HDAC9: variants seen among roughly 807,000 people sequenced by gnomAD.
HDAC9 encodes MEF-2 interacting transcription repressor (MITR) protein.
In HDAC9, 41 loss-of-function variants were observed where a neutral mutation model predicts 139.4. The observed-to-expected ratio is 0.29, with a 90% CI of 0.23 to 0.38. The LOEUF is 0.38. HDAC9 is among the 10% of genes least tolerant of loss of function. HDAC9 has a pLI of 1.00. For missense variants in HDAC9, 1,147 were observed against 1,297.0 expected, an observed-to-expected ratio of 0.88 and a Z score of 1.78; for synonymous variants, 517 against 476.2, an observed-to-expected ratio of 1.09 and a Z score of -1.12.
chr7:18,972,474 G>A (rs552839299), intron 24 of HDAC9, among the ~76,000 whole-genome samples: 24 of 147,830 alleles, frequency 1.6e-4, no homozygotes, highest in East Asian at 6.1e-4. Flanking sequence ...TGGGCCTCCC[G>A]GGTTCAAAGG....
intron 2 of HDAC9, among the ~76,000 whole-genome samples, chr7:18,213,945 G>GT (rs1023540825): frequency 3.3e-5 from 5 of 152,000 alleles, no homozygotes; most frequent in African/African-American, 9.6e-5. Flanking sequence ...CCCAGCAGTT[G>GT]TTTTTTTCCT....
At chr7:18,129,423 C>A (rs993474960) in intron 1 of HDAC9, among the ~76,000 whole-genome samples, 4 of 151,954 alleles carry the variant, frequency 2.6e-5, no homozygotes, top group Non-Finnish European at 5.9e-5. Flanking sequence ...AATTAATAAG[C>A]CTATAGAACC....
intron 2 of HDAC9, among the ~76,000 whole-genome samples, chr7:18,513,431 A>T (rs753338538): frequency 2.0e-5 from 3 of 152,214 alleles, no homozygotes; most frequent in Non-Finnish European, 4.4e-5. Context: ...AAGCTTCACC[A>T]AGTTAGTCAC....
intron 13 of HDAC9, among the ~76,000 whole-genome samples, chr7:18,737,786 A>G (rs1787062719): frequency 6.6e-6 from 1 of 152,190 alleles, no homozygotes; most frequent in African/African-American, 2.4e-5. Context: ...CGCTTGGTGC[A>G]GAGCTGAGTT....
intron 2 of HDAC9, among the ~76,000 whole-genome samples, chr7:18,243,268 G>T (rs901224438): frequency 1.3e-5 from 2 of 152,232 alleles, no homozygotes; most frequent in Non-Finnish European, 2.9e-5. Flanking sequence ...CACCAATGGT[G>T]CTACGAAACT....
intron 6 of HDAC9, among the ~76,000 whole-genome samples, chr7:18,594,660 G>T (rs2128845523): frequency 6.6e-6 from 1 of 151,974 alleles, no homozygotes; most frequent in South Asian, 2.1e-4. Context: ...GATTGTATTT[G>T]CTGTTCCATC....
chr7:18,617,658 T>C (rs1232780631), intron 6 of HDAC9, among the ~76,000 whole-genome samples: 2 of 152,158 alleles, frequency 1.3e-5, no homozygotes, highest in Non-Finnish European at 2.9e-5. Flanking sequence ...TCTGTGCATA[T>C]ATCTCTATAT....
At chr7:18,763,774 CATT>C (rs1345462244) in intron 15 of HDAC9, among the ~76,000 whole-genome samples, 1 of 152,058 alleles carries the variant, frequency 6.6e-6, no homozygotes, top group African/African-American at 2.4e-5. Flanking sequence ...GTGTCCATGT[CATT>C]ATTTTTTAAT....
rs1786424183 is a variant in HDAC9, at chr7:18,995,887, AT to A, written c.3171-134del. Reference sequence around the variant, plus strand: ...TTTGTTTATACTTCCTAGGAAAGAAATTCTATTTATGGATAACTGAATAACA... The same window carrying A: ...TTTGTTTATACTTCCTAGGAAAGAAATCTATTTATGGATAACTGAATAACA... On this transcript the variant is annotated intron_variant, in intron 25 of 25. Transcript: ENST00000686413. The A allele has an allele frequency of 1.1e-5, 7 of 614,846 alleles. No homozygotes were observed. In the East Asian group the frequency reaches 2.1e-4, roughly 18 times the overall value. The allele number at this position is 614,846 out of a possible 1,614,324, so 38.1% of individuals were successfully genotyped here.
At chr7:18,135,207 C>G (rs1584249898) in intron 1 of HDAC9, among the ~76,000 whole-genome samples, 1 of 149,226 alleles carries the variant, frequency 6.7e-6, no homozygotes, top group Non-Finnish European at 1.5e-5. Context: ...GACAAAAATA[C>G]AAAATCCTCT....
At chr7:18,540,966 A>G (rs1239835795) in intron 2 of HDAC9, among the ~76,000 whole-genome samples, 2 of 152,136 alleles carry the variant, frequency 1.3e-5, no homozygotes, top group Admixed American at 6.5e-5. Flanking sequence ...GACACCAAGC[A>G]TGTAATGTGC....
At chr7:18,705,657 C>G (rs754775538) in intron 12 of HDAC9, among the ~76,000 whole-genome samples, 4 of 151,746 alleles carry the variant, frequency 2.6e-5, no homozygotes, top group African/African-American at 9.7e-5. Context: ...TCAAGAGCAG[C>G]CTGGCCAACA....
At chr7:18,625,850 A>C (rs1841543724) in intron 6 of HDAC9, among the ~76,000 whole-genome samples, 1 of 147,800 alleles carries the variant, frequency 6.8e-6, no homozygotes, top group Non-Finnish European at 1.5e-5. Flanking sequence ...AGGCTGAGGC[A>C]GGAGAATCTC....
chr7:18,391,917 C>T (rs1169703780), intron 1 of HDAC9, among the ~76,000 whole-genome samples: 1 of 152,138 alleles, frequency 6.6e-6, no homozygotes, highest in Non-Finnish European at 1.5e-5. Context: ...TAAGCATTGC[C>T]CATTATCAAT....
chr7:18,512,955 AG>A (rs1315415358), intron 2 of HDAC9, among the ~76,000 whole-genome samples: 5 of 152,238 alleles, frequency 3.3e-5, no homozygotes, highest in African/African-American at 1.2e-4. Flanking sequence ...ATAGATGACA[AG>A]GAATAGAATA....
At chr7:18,437,285 A>G (rs1461802264) in intron 1 of HDAC9, among the ~76,000 whole-genome samples, 1 of 152,110 alleles carries the variant, frequency 6.6e-6, no homozygotes, top group Non-Finnish European at 1.5e-5. Flanking sequence ...AAAATATCAT[A>G]TGGCTTTTTT....
intron 1 of HDAC9, among the ~76,000 whole-genome samples, chr7:18,107,632 G>A (rs907128279): frequency 5.3e-5 from 8 of 152,180 alleles, no homozygotes; most frequent in African/African-American, 1.9e-4. Context: ...ATACACCTGA[G>A]GAAGGTGTTA....
chr7:18,527,593 T>C (rs1462287241), intron 2 of HDAC9, among the ~76,000 whole-genome samples: 1 of 152,186 alleles, frequency 6.6e-6, no homozygotes. Context: ...CTAAGAATTA[T>C]AATTAGGAGT....
At chr7:18,862,574 CT>C (rs1798191785) in intron 21 of HDAC9, among the ~76,000 whole-genome samples, 2 of 152,246 alleles carry the variant, frequency 1.3e-5, no homozygotes, top group Admixed American at 1.3e-4. Flanking sequence ...ATTTAACCCC[CT>C]TTTTGAAGAC....
Sources: gnomAD v4.1 joint callset for allele counts (sites outside exome capture counted in the v4.1 genomes callset) on GRCh38, gnomAD v4.1.1 for gene constraint, MANE v1.5 for transcripts, NCBI Gene and HGNC (gene_info 2026-07-23, HGNC 2026-07-21) for gene names.